The following ZFPM1 variants were observed in gnomAD, a reference collection of about 807,000 sequenced individuals.
The protein encoded by ZFPM1 is zinc finger protein ZFPM1.
ZFPM1 carries 28 observed loss-of-function variants against 46.3 expected under a neutral mutation model. That is an observed-to-expected ratio of 0.60 (90% CI 0.45 to 0.83). The LOEUF is 0.83. ZFPM1 is among the 40% of genes least tolerant of loss of function. ZFPM1 has a pLI of 0.00. For synonymous variants in ZFPM1, 957 were observed against 675.9 expected, an observed-to-expected ratio of 1.42 and a Z score of -6.45; for missense variants, 1,878 against 1,432.4, an observed-to-expected ratio of 1.31 and a Z score of -5.02.
Position 88,471,650 on chromosome 16 carries a change from A to G in ZFPM1, c.41-14289A>G, listed in dbSNP as rs1908427975. Among the ~76,000 whole-genome samples the G allele has an allele frequency of 2.6e-5, 4 of 152,296 alleles. No individual in the cohort carries two copies. The South Asian group carries it at 6.2e-4, about 24-fold the overall frequency. On this transcript the variant is annotated intron_variant, in intron 1 of 9. Coordinates refer to ENST00000319555, the MANE Select transcript of ZFPM1 (RefSeq NM_153813.3). This position sits in a 1 kb window ranked among gnomAD's most constrained non-coding sequence, Gnocchi z 4.1. ...ACAGAGGTGGGGTCAGGGCCCCAAGATGACCGTGGCCGCGGTGGCTCCCAC... is the reference window on the plus strand; with the variant it reads ...ACAGAGGTGGGGTCAGGGCCCCAAGGTGACCGTGGCCGCGGTGGCTCCCAC...
chr16:88,502,065 CATTTATTTATTTATTT>C (rs763371544), intron 3 of ZFPM1, among the ~76,000 whole-genome samples: 1,368 of 72,808 alleles, frequency 0.019, 23 homozygotes, highest in African/African-American at 0.067. Context: ...CGCCCCCCCC[CATTTATTTATTTATTT>C]ATTTATTTAT....
intron 3 of ZFPM1, among the ~76,000 whole-genome samples, chr16:88,489,781 G>A (rs1909454576): frequency 6.6e-6 from 1 of 152,252 alleles, no homozygotes; most frequent in Non-Finnish European, 1.5e-5. Flanking sequence ...TTCGGGGACT[G>A]TGAATTCCAT....
intron 3 of ZFPM1, among the ~76,000 whole-genome samples, chr16:88,502,059 C>A (rs540721331): frequency 0.093 from 12,759 of 137,336 alleles, 823 homozygotes; most frequent in Middle Eastern, 0.15. Flanking sequence ...TCCACCCGCC[C>A]CCCCCCATTT....
chr16:88,484,746 G>A (rs1231578709), intron 1 of ZFPM1, among the ~76,000 whole-genome samples: 9 of 152,272 alleles, frequency 5.9e-5, no homozygotes, highest in African/African-American at 1.9e-4. Flanking sequence ...TCTGTCCTCT[G>A]TTCACACTGG....
intron 4 of ZFPM1, among the ~76,000 whole-genome samples, chr16:88,519,599 G>A (rs568180671): frequency 6.9e-6 from 1 of 144,508 alleles, no homozygotes; most frequent in African/African-American, 2.6e-5. Flanking sequence ...TGGATGGATG[G>A]ATGGATGGGA....
chr16:88,534,873 A>G lies in ZFPM1; in HGVS notation c.2915A>G (p.Asn972Ser), dbSNP rs141006889. The G allele has an allele frequency of 5.9e-4, 928 of 1,568,318 alleles. 2 individuals are homozygous for G. Among genetic ancestry groups the G allele is most frequent in the Non-Finnish European group, 7.1e-4 (826 of 1,162,720 alleles). Residue 972 changes from asparagine (N) to serine (S), a missense_variant, in exon 10 of 10, where the codon AAC becomes AGC. Transcript: ENST00000319555. ...ACGCCGGCGCCGCTGCCCAACGGCA[A>G]CCACCGGTACTGCCGTCTTTGCAAC... ...KGTPAPLPNG[N>S]HRYCRLCNIK... is the part of the protein sequence containing the mutation.
chr16:88,526,148 T>C (rs537918647), intron 4 of ZFPM1, among the ~76,000 whole-genome samples: 195 of 152,306 alleles, frequency 1.3e-3, no homozygotes, highest in Non-Finnish European at 2.4e-3. Flanking sequence ...ACAGACCTGC[T>C]GAGTCCACCA....
chr16:88,529,204 G>A (rs8063837), intron 6 of ZFPM1, among the ~76,000 whole-genome samples: 14,656 of 152,318 alleles, frequency 0.096, 896 homozygotes, highest in East Asian at 0.34. Context: ...GGACAGGCAC[G>A]AGTCACGCAG....
intron 1 of ZFPM1, among the ~76,000 whole-genome samples, chr16:88,477,081 T>C (rs1474973125): frequency 6.6e-6 from 1 of 152,200 alleles, no homozygotes; most frequent in Non-Finnish European, 1.5e-5. Flanking sequence ...AAGTGAGTTC[T>C]GGTCTCTGCC....
At chr16:88,466,622 A>G (rs994299619) in intron 1 of ZFPM1, among the ~76,000 whole-genome samples, 1 of 152,228 alleles carries the variant, frequency 6.6e-6, no homozygotes, top group Non-Finnish European at 1.5e-5. Flanking sequence ...GCCTGCCTCT[A>G]TTCTTGTTTC....
chr16:88,534,108 C>A lies in ZFPM1; in HGVS notation c.2150C>A (p.Pro717Gln). 2 of 1,143,628 alleles carry A rather than the reference C, an allele frequency of 1.7e-6. No homozygotes were observed. Among genetic ancestry groups the A allele is most frequent in the South Asian group, 3.5e-5 (2 of 57,092 alleles). The allele number at this position is 1,143,628 out of a possible 1,614,324, so 70.8% of individuals were successfully genotyped here. A position where few individuals can be genotyped will look rare whatever the true frequency, so the allele number is the denominator to read the frequency against. Residue 717 changes from proline to glutamine, a missense_variant, in exon 10 of 10, where the codon CCG becomes CAG. Pro to Gln is a moderately conservative substitution (Grantham distance 76, BLOSUM62 -1). Transcript: ENST00000319555. The part of the protein sequence containing the change: ...ASRHDPPPRR[P>Q]AAPPGPPGPA... ...CGCCACGACCCGCCGCCGCGCCGAC[C>A]GGCCGCGCCCCCGGGACCCCCTGGG... is the stretch of plus-strand genomic sequence containing the variant.
At position 88,534,094 on chromosome 16, in the gene ZFPM1, G is replaced by C; in HGVS notation, c.2136G>C (p.Pro712=). The C allele has an allele frequency of 8.5e-7, 1 of 1,181,790 alleles. No homozygotes were observed. The highest frequency in any genetic ancestry group is 1.1e-6 in the Non-Finnish European group (1 of 935,372). The allele number at this position is 1,181,790 out of a possible 1,614,324, so 73.2% of individuals were successfully genotyped here. ...ACTACTGCGCCTCGCGCCACGACCC[G>C]CCGCCGCGCCGACCGGCCGCGCCCC... is the stretch of plus-strand genomic sequence containing the variant. ...KRYYCASRHD[P]PPRRPAAPPG... is the part of the protein sequence containing the mutation. Residue 712 remains proline (P), a synonymous_variant, in exon 10 of 10, where the codon CCG becomes CCC. Transcript: ENST00000319555.
intron 3 of ZFPM1, chr16:88,489,494 T>G: frequency 3.7e-6 from 1 of 269,600 alleles, no homozygotes. Context: ...AACAGGAGGC[T>G]GCGTCTGAGC....
At chr16:88,481,941 G>A (rs181967331) in intron 1 of ZFPM1, among the ~76,000 whole-genome samples, 10 of 152,320 alleles carry the variant, frequency 6.6e-5, no homozygotes, top group South Asian at 6.2e-4. Flanking sequence ...CTCTGAGGAC[G>A]CGGGCAGGCT....
At chr16:88,466,764 G>A (rs371288030) in intron 1 of ZFPM1, among the ~76,000 whole-genome samples, 163 of 152,298 alleles carry the variant, frequency 1.1e-3, no homozygotes, top group African/African-American at 3.6e-3. Context: ...AGTGGGGTGT[G>A]TATGTGGGGG....
intron 4 of ZFPM1, among the ~76,000 whole-genome samples, chr16:88,524,099 G>A (rs1331367588): frequency 1.3e-5 from 2 of 152,208 alleles, no homozygotes; most frequent in Non-Finnish European, 2.9e-5. Flanking sequence ...TAGAAATATT[G>A]GGACGAATAA....
chr16:88,476,598 G>T (rs1908698419), intron 1 of ZFPM1, among the ~76,000 whole-genome samples: 1 of 152,106 alleles, frequency 6.6e-6, no homozygotes, highest in Admixed American at 6.5e-5. Flanking sequence ...TTTGCTCCGA[G>T]ATCCCCGGGG....
intron 1 of ZFPM1, among the ~76,000 whole-genome samples, chr16:88,482,850 C>T (rs1286518126): frequency 1.3e-5 from 2 of 152,178 alleles, no homozygotes; most frequent in East Asian, 1.9e-4. Context: ...GATCGTTCCG[C>T]GTGCTCCCGC....
At position 88,471,077 on chromosome 16, in the gene ZFPM1, C is replaced by T. The variant is rs964759819; in HGVS notation, c.41-14862C>T. On this transcript the variant is annotated intron_variant, in intron 1 of 9. Coordinates refer to ENST00000319555, the MANE Select transcript of ZFPM1 (RefSeq NM_153813.3). The surrounding 1 kb of genome is among the most constrained non-coding windows in gnomAD (Gnocchi z 4.1). ...CCTTGCCAACTACATACTGGGCTGC[C>T]CAGAGGCTGCCTTCTGAAGGAGCGA... Among the ~76,000 whole-genome samples, 2 of 152,088 alleles carry T rather than the reference C, an allele frequency of 1.3e-5. No individual in the cohort carries two copies. Among genetic ancestry groups the T allele is most frequent in the African/African-American group, 4.8e-5 (2 of 41,406 alleles).
Sources: allele counts gnomAD v4.1 joint callset (sites outside exome capture counted in the v4.1 genomes callset), GRCh38; gene constraint gnomAD v4.1.1; non-coding constraint Gnocchi (gnomAD v3.1); transcripts MANE v1.5; gene names NCBI Gene and HGNC (gene_info 2026-07-23, HGNC 2026-07-21).